The following BRAF variants were observed in gnomAD, a reference collection of about 807,000 sequenced individuals.
BRAF encodes serine/threonine-protein kinase B-raf.
BRAF carries 16 observed loss-of-function variants against 104.6 expected under a neutral mutation model. That is an observed-to-expected ratio of 0.15 (90% CI 0.10 to 0.23). BRAF has a LOEUF of 0.23. Ranked by LOEUF, BRAF falls within the 10% of genes least tolerant of loss-of-function variation. The pLI is 1.00. For missense variants in BRAF, 541 were observed against 937.3 expected (o/e 0.58, Z 5.52); for synonymous variants, 310 against 341.6 (o/e 0.91, Z 1.02).
chr7:140,728,997 A>T (rs925674105), intron 19 of BRAF, among the ~76,000 whole-genome samples: 29 of 150,302 alleles, frequency 1.9e-4, no homozygotes, highest in African/African-American at 6.6e-4. Context: ...AGGCCGAGGC[A>T]GGAGGACTGC....
intron 12 of BRAF, chr7:140,779,977 C>A (rs1221465654): frequency 1.3e-5 from 2 of 152,090 alleles, no homozygotes; most frequent in Non-Finnish European, 2.9e-5. Flanking sequence ...AGATACTCAA[C>A]CTGTATGTAT....
chr7:140,897,221 C>T (rs1383356506), intron 1 of BRAF, among the ~76,000 whole-genome samples: 3 of 151,922 alleles, frequency 2.0e-5, no homozygotes, highest in Admixed American at 6.6e-5. Flanking sequence ...GTAATGTGGA[C>T]AAACAGGTTA....
chr7:140,878,811 G>A, intron 1 of BRAF, among the ~76,000 whole-genome samples: 1 of 152,138 alleles, frequency 6.6e-6, no homozygotes, highest in East Asian at 1.9e-4. Flanking sequence ...CTTCAGCATT[G>A]CGCACTGTAT....
intron 1 of BRAF, among the ~76,000 whole-genome samples, chr7:140,888,866 C>T (rs1220913317): frequency 6.6e-6 from 1 of 151,956 alleles, no homozygotes; most frequent in Non-Finnish European, 1.5e-5. Context: ...TCTAGTGGTC[C>T]TTAACCAGAA....
chr7:140,916,471 T>C (rs910266389), intron 1 of BRAF, among the ~76,000 whole-genome samples: 1 of 152,244 alleles, frequency 6.6e-6, no homozygotes, highest in African/African-American at 2.4e-5. Flanking sequence ...AGATGGAGAA[T>C]AACACATTGT....
At chr7:140,862,987 G>T (rs1036281690) in intron 1 of BRAF, among the ~76,000 whole-genome samples, 2 of 152,014 alleles carry the variant, frequency 1.3e-5, no homozygotes, top group Non-Finnish European at 2.9e-5. Context: ...AAGCATGAGG[G>T]CAAATGAAAA....
intron 3 of BRAF, among the ~76,000 whole-genome samples, chr7:140,818,514 T>C (rs1377436776): frequency 6.6e-6 from 1 of 152,130 alleles, no homozygotes; most frequent in Non-Finnish European, 1.5e-5. Flanking sequence ...GATTTCATCA[T>C]GTTGGCCAGG....
chr7:140,758,090 C>T (rs1001786785), intron 14 of BRAF: 1 of 152,228 alleles, frequency 6.6e-6, no homozygotes, highest in African/African-American at 2.4e-5. Flanking sequence ...TGGTAAAACA[C>T]AGAACTGACC....
intron 18 of BRAF, among the ~76,000 whole-genome samples, chr7:140,737,306 T>C (rs373727585): frequency 1.3e-5 from 2 of 152,212 alleles, no homozygotes; most frequent in African/African-American, 2.4e-5. Flanking sequence ...AAATTTTACA[T>C]AGAATGCTCC....
intron 2 of BRAF, among the ~76,000 whole-genome samples, chr7:140,845,015 T>C (rs1808395700): frequency 6.6e-6 from 1 of 152,104 alleles, no homozygotes; most frequent in African/African-American, 2.4e-5. Flanking sequence ...TTTCAAAACT[T>C]ACTACACAAA....
At chr7:140,911,446 A>G (rs1479045254) in intron 1 of BRAF, among the ~76,000 whole-genome samples, 2 of 152,238 alleles carry the variant, frequency 1.3e-5, no homozygotes, top group Non-Finnish European at 2.9e-5. Flanking sequence ...TATTAACAAA[A>G]AAACCCCACA....
intron 18 of BRAF, among the ~76,000 whole-genome samples, chr7:140,737,877 T>G (rs1258381911): frequency 1.3e-5 from 2 of 152,240 alleles, no homozygotes; most frequent in East Asian, 3.8e-4. Flanking sequence ...ACTTCAGTTT[T>G]TGAAACCATG....
intron 3 of BRAF, among the ~76,000 whole-genome samples, chr7:140,833,757 A>G (rs750197588): frequency 6.6e-6 from 1 of 152,180 alleles, no homozygotes; most frequent in East Asian, 1.9e-4. Context: ...TTAGAAAGCC[A>G]TATTTCCTAA....
chr7:140,872,275 C>T (rs1811692576), intron 1 of BRAF, among the ~76,000 whole-genome samples: 1 of 151,230 alleles, frequency 6.6e-6, no homozygotes, highest in East Asian at 1.9e-4. Context: ...TTTAAAATGT[C>T]TGTTGAAATA....
intron 2 of BRAF, among the ~76,000 whole-genome samples, chr7:140,841,726 C>T (rs1173878507): frequency 6.6e-6 from 1 of 152,062 alleles, no homozygotes; most frequent in East Asian, 1.9e-4. Context: ...TTGTCAGGGG[C>T]TGCAGGGAAT....
chr7:140,906,391 G>A (rs181241354), intron 1 of BRAF, among the ~76,000 whole-genome samples: 143 of 152,084 alleles, frequency 9.4e-4, no homozygotes, highest in African/African-American at 2.8e-3. Flanking sequence ...TTGTAGAGAC[G>A]GGATTTCACT....
intron 14 of BRAF, among the ~76,000 whole-genome samples, chr7:140,767,179 T>A (rs1250375991): frequency 2.6e-5 from 4 of 152,052 alleles, no homozygotes; most frequent in Middle Eastern, 3.4e-3. Flanking sequence ...AATTTTTGTA[T>A]TTTTTGGTAG....
At chr7:140,830,328 T>C (rs1376639740) in intron 3 of BRAF, among the ~76,000 whole-genome samples, 1 of 152,232 alleles carries the variant, frequency 6.6e-6, no homozygotes, top group African/African-American at 2.4e-5. Context: ...AAGTGGTTTA[T>C]TATGTTGACA....
At chr7:140,773,596 T>C (rs1800050008) in intron 14 of BRAF, among the ~76,000 whole-genome samples, 1 of 152,164 alleles carries the variant, frequency 6.6e-6, no homozygotes, top group African/African-American at 2.4e-5. Context: ...TTCCCCTCTC[T>C]AGAGAAGAAA....
Sources: gnomAD v4.1 joint callset for allele counts (sites outside exome capture counted in the v4.1 genomes callset) on GRCh38, gnomAD v4.1.1 for gene constraint, MANE v1.5 for transcripts, NCBI Gene and HGNC (gene_info 2026-07-23, HGNC 2026-07-21) for gene names.